MEGF11: variants seen among roughly 807,000 people sequenced by gnomAD.
MEGF11 encodes multiple EGF like domains 11, also known as multiple epidermal growth factor-like domains protein 11.
Under a neutral mutation model 146.6 loss-of-function variants are expected in MEGF11, and 126 were observed. The ratio of observed to expected loss-of-function variants is 0.86; its 90% CI spans 0.74 to 1.00. The LOEUF is 1.00. Among genes scored for constraint, MEGF11 ranks in the 50% least tolerant of loss-of-function variants. The probability of loss-of-function intolerance (pLI) is 0.00; values close to 1 mark genes in which losing one functional copy is unlikely to be tolerated. For synonymous variants in MEGF11, 532 were observed against 583.4 expected (o/e 0.91, Z 1.27); for missense variants, 1,509 against 1,521.2 (o/e 0.99, Z 0.13).
chr15:65,986,201 C>A (rs1287699561), intron 5 of MEGF11, among the ~76,000 whole-genome samples: 2 of 152,118 alleles, frequency 1.3e-5, no homozygotes, highest in East Asian at 3.9e-4. Flanking sequence ...AATCTACCTG[C>A]CTCAGCCTCC....
intron 5 of MEGF11, among the ~76,000 whole-genome samples, chr15:66,030,245 TACC>T (rs1384312896): frequency 2.0e-5 from 3 of 152,146 alleles, no homozygotes; most frequent in Admixed American, 1.3e-4. Context: ...ATCCAGCCCA[TACC>T]ACATTTCCAC....
At chr15:66,209,092 T>C (rs183030873) in intron 1 of MEGF11, among the ~76,000 whole-genome samples, 2 of 152,304 alleles carry the variant, frequency 1.3e-5, no homozygotes, top group African/African-American at 2.4e-5. Flanking sequence ...TGTTCACGCC[T>C]GTAATCCCAG....
intron 5 of MEGF11, among the ~76,000 whole-genome samples, chr15:66,071,158 C>T (rs919715616): frequency 1.4e-4 from 21 of 152,228 alleles, no homozygotes; most frequent in African/African-American, 4.3e-4. Flanking sequence ...TCTCCCTCCC[C>T]GCCCTCACCT....
At chr15:66,103,673 T>C (rs895085420) in intron 4 of MEGF11, among the ~76,000 whole-genome samples, 1 of 152,106 alleles carries the variant, frequency 6.6e-6, no homozygotes, top group African/African-American at 2.4e-5. Flanking sequence ...GGTCAGGGGC[T>C]GGTGAGGACA....
intron 10 of MEGF11, among the ~76,000 whole-genome samples, chr15:65,941,550 G>C (rs1229524360): frequency 6.6e-6 from 1 of 152,176 alleles, no homozygotes; most frequent in Admixed American, 6.5e-5. Context: ...CATCCAGGGT[G>C]CTCCTAGGGA....
At chr15:66,079,357 AAAG>A (rs1425043211) in intron 5 of MEGF11, among the ~76,000 whole-genome samples, 1 of 152,172 alleles carries the variant, frequency 6.6e-6, no homozygotes, top group Non-Finnish European at 1.5e-5. Context: ...TCAAGAGGCC[AAAG>A]AAGAGACCCA....
At chr15:65,971,524 A>T (rs1344609546) in intron 7 of MEGF11, among the ~76,000 whole-genome samples, 1 of 152,174 alleles carries the variant, frequency 6.6e-6, no homozygotes, top group Admixed American at 6.5e-5. Flanking sequence ...ACAGGCACAG[A>T]TGAAGGTGGG....
intron 1 of MEGF11, among the ~76,000 whole-genome samples, chr15:66,177,109 C>T (rs1277139808): frequency 6.6e-6 from 1 of 152,150 alleles, no homozygotes; most frequent in African/African-American, 2.4e-5. Flanking sequence ...GCAGACATGA[C>T]CAAAGGGAGC....
intron 5 of MEGF11, among the ~76,000 whole-genome samples, chr15:66,058,160 G>A (rs1477755350): frequency 6.6e-6 from 1 of 152,028 alleles, no homozygotes; most frequent in African/African-American, 2.4e-5. Flanking sequence ...CTCACAGATG[G>A]AAGCCGGGGC....
At chr15:65,967,161 C>G (rs775184084) in intron 8 of MEGF11, 1 of 152,144 alleles carries the variant, frequency 6.6e-6, no homozygotes, top group Non-Finnish European at 1.5e-5. Flanking sequence ...TGGGATAATG[C>G]GTGTAAACAT....
intron 1 of MEGF11, among the ~76,000 whole-genome samples, chr15:66,230,846 T>C (rs10518680): frequency 0.29 from 43,492 of 152,116 alleles, 7,351 homozygotes; most frequent in Middle Eastern, 0.39. Context: ...CTCACCCATA[T>C]GTTCTAAAGC....
chr15:66,021,276 T>C (rs927223309), intron 5 of MEGF11, among the ~76,000 whole-genome samples: 5 of 152,186 alleles, frequency 3.3e-5, no homozygotes, highest in Middle Eastern at 3.2e-3. Flanking sequence ...CAGGAAGCCA[T>C]GGGCAGGCCA....
At chr15:65,990,716 A>AAAGAAAGGAAGG (rs1555459249) in intron 5 of MEGF11, among the ~76,000 whole-genome samples, 4 of 11,732 alleles carry the variant, frequency 3.4e-4, no homozygotes, top group Non-Finnish European at 8.3e-4. Flanking sequence ...AGGAAGGAAG[A>AAAGAAAGGAAGG]AAGAAAGAAA....
At chr15:65,980,314 C>T (rs2081587999) in intron 7 of MEGF11, among the ~76,000 whole-genome samples, 1 of 151,678 alleles carries the variant, frequency 6.6e-6, no homozygotes, top group Non-Finnish European at 1.5e-5. Context: ...AAGCTGTGTC[C>T]ATGGCACCAC....
intron 4 of MEGF11, among the ~76,000 whole-genome samples, chr15:66,106,941 A>G (rs1007152196): frequency 6.6e-6 from 1 of 152,078 alleles, no homozygotes; most frequent in Non-Finnish European, 1.5e-5. Context: ...CCACCTTCCT[A>G]TCATCCAGCA....
At chr15:66,062,086 T>C (rs1261417696) in intron 5 of MEGF11, among the ~76,000 whole-genome samples, 1 of 152,242 alleles carries the variant, frequency 6.6e-6, no homozygotes, top group Admixed American at 6.5e-5. Flanking sequence ...TCAGGTGATC[T>C]GGGAAGGCCT....
At chr15:66,111,152 C>A (rs2087378896) in intron 4 of MEGF11, among the ~76,000 whole-genome samples, 1 of 152,228 alleles carries the variant, frequency 6.6e-6, no homozygotes, top group Non-Finnish European at 1.5e-5. Flanking sequence ...AGGGCAGTAA[C>A]AATAATGCTC....
chr15:65,926,813 A>T (rs1057217791), intron 13 of MEGF11, among the ~76,000 whole-genome samples: 6 of 152,218 alleles, frequency 3.9e-5, no homozygotes, highest in Non-Finnish European at 4.4e-5. Flanking sequence ...GGCTCACTCA[A>T]AATTAAGGCA....
intron 10 of MEGF11, among the ~76,000 whole-genome samples, chr15:65,938,515 T>TG (rs1376545891): frequency 1.3e-5 from 2 of 152,214 alleles, no homozygotes; most frequent in Non-Finnish European, 2.9e-5. Flanking sequence ...TGGAAGTTGA[T>TG]GCTTGGGTGT....
Sources: gnomAD v4.1 joint callset for allele counts (sites outside exome capture counted in the v4.1 genomes callset) on GRCh38, gnomAD v4.1.1 for gene constraint, MANE v1.5 for transcripts, NCBI Gene and HGNC (gene_info 2026-07-23, HGNC 2026-07-21) for gene names.